The following GIMAP8 variants were observed in gnomAD, a reference collection of about 807,000 sequenced individuals.
GIMAP8 encodes the protein GTPase IMAP family member 8.
In GIMAP8, 29 loss-of-function variants were observed where a neutral mutation model predicts 35.6. That is an observed-to-expected ratio of 0.81 (90% CI 0.61 to 1.11). The LOEUF (loss-of-function observed/expected upper bound fraction) is 1.11, where lower values mean the gene tolerates loss of function less well. Ranked by LOEUF, GIMAP8 falls within the 50% of genes most tolerant of loss-of-function variation. The pLI is 0.00. For synonymous variants in GIMAP8, 335 were observed against 308.7 expected (o/e 1.09, Z -0.89); for missense variants, 811 against 805.0 (o/e 1.01, Z -0.09).
rs189058513 is a variant in GIMAP8, at chr7:150,476,449, A to C, written c.1310-643A>C. Among the ~76,000 whole-genome samples the C allele has an allele frequency of 9.9e-4, 151 of 152,348 alleles. 1 individual carries two copies. Among genetic ancestry groups the C allele is most frequent in the Non-Finnish European group, 5.0e-4 (34 of 68,024 alleles). On this transcript the variant is annotated intron_variant, in intron 4 of 4. Coordinates refer to ENST00000307271, the MANE Select transcript of GIMAP8 (RefSeq NM_175571.4). ...ACCACACACCCAACAGTGTTAGTGG[A>C]TATTCATTATTATAACCATGCGGTT...
At position 150,474,222 on chromosome 7, in the gene GIMAP8, T is replaced by G; in HGVS notation, c.893T>G (p.Val298Gly). 6.2e-7 allele frequency: 1 copy of G among 1,614,124 alleles called. No individual in the cohort carries two copies. The highest frequency in any genetic ancestry group is 8.5e-7 in the Non-Finnish European group (1 of 1,180,020). ...SESRSWRKKK[V>G]SIIDAPDISS... is the part of the protein sequence containing the mutation. ...AGCAGAAGCTGGAGAAAAAAGAAAG[T>G]TTCGATCATTGATGCTCCGGACATC... The change falls in exon 4 of 5, where the codon GTT (valine) becomes GGT (glycine). Residue 298 changes from valine (V) to glycine (G), a missense_variant. Val to Gly is a moderately radical substitution (Grantham distance 109, BLOSUM62 -3). Coordinates refer to ENST00000307271, the MANE Select transcript of GIMAP8 (RefSeq NM_175571.4).
intron 1 of GIMAP8, among the ~76,000 whole-genome samples, chr7:150,459,650 A>G (rs982061923): frequency 2.0e-5 from 3 of 152,150 alleles, no homozygotes; most frequent in African/African-American, 7.2e-5. Flanking sequence ...CTATAACTGA[A>G]TCTTCAGAAG....
intron 2 of GIMAP8, among the ~76,000 whole-genome samples, chr7:150,469,044 T>C (rs1433451139): frequency 6.6e-6 from 1 of 152,130 alleles, no homozygotes; most frequent in Non-Finnish European, 1.5e-5. Context: ...AACCCTCTGG[T>C]TTTACATGCT....
chr7:150,469,036 C>A (rs1003039871), intron 2 of GIMAP8, among the ~76,000 whole-genome samples: 1 of 152,146 alleles, frequency 6.6e-6, no homozygotes, highest in Admixed American at 6.5e-5. Context: ...TACAATGAAA[C>A]CCTCTGGTTT....
At chr7:150,467,380 TAGTGGGATGAA>T (rs1563284685) in intron 2 of GIMAP8, 46 bp downstream of exon 2, 1 of 1,495,584 alleles carries the variant, frequency 6.7e-7, no homozygotes, top group Non-Finnish European at 9.2e-7. Flanking sequence ...GTTGCTGAAC[TAGTGGGATGAA>T]AGTGGGTATA....
At chr7:150,474,881 C>G (rs190469485) in intron 4 of GIMAP8, among the ~76,000 whole-genome samples, 5 of 151,822 alleles carry the variant, frequency 3.3e-5, no homozygotes, top group East Asian at 1.9e-4. Context: ...CCACTCCCCC[C>G]ACCCCACAAC....
rs370655027 is a variant in GIMAP8, at chr7:150,466,897, C to A, written c.199C>A (p.Pro67Thr). Residue 67 changes from proline to threonine, a missense_variant, in exon 2 of 5, where the codon CCT (proline) becomes ACT (threonine). Pro to Thr is a conservative substitution (Grantham distance 38, BLOSUM62 -1). Transcript: ENST00000307271. ...RERKVVVIDT[P>T]DLFSSIACAE... ...AAGGAAGGTTGTGGTAATTGACACC[C>A]CTGACCTTTTCTCCTCAATAGCTTG... The A allele has an allele frequency of 5.0e-6, 8 of 1,614,072 alleles. No homozygotes were observed. The highest frequency in any genetic ancestry group is 6.8e-6 in the Non-Finnish European group (8 of 1,180,022).
At chr7:150,453,425 C>T (rs1801662691) in intron 1 of GIMAP8, among the ~76,000 whole-genome samples, 1 of 152,242 alleles carries the variant, frequency 6.6e-6, no homozygotes, top group Admixed American at 6.5e-5. Flanking sequence ...CTTTGCCTCG[C>T]CCTTTTCGAA....
chr7:150,471,985 G>T (rs1380544941), intron 3 of GIMAP8, among the ~76,000 whole-genome samples: 1 of 152,178 alleles, frequency 6.6e-6, no homozygotes, highest in Non-Finnish European at 1.5e-5. Flanking sequence ...GATGTTGTGA[G>T]CCTCATCCTC....
intron 2 of GIMAP8, 82 bp from the exon 3 acceptor site, chr7:150,470,746 CT>C (rs765100972): frequency 0.047 from 22,027 of 467,058 alleles, 365 homozygotes; most frequent in African/African-American, 0.11. Context: ...CTTCAATTTC[CT>C]TTTTTTTTTT....
At chr7:150,470,085 C>T (rs980363620) in intron 2 of GIMAP8, among the ~76,000 whole-genome samples, 2 of 152,188 alleles carry the variant, frequency 1.3e-5, no homozygotes, top group Non-Finnish European at 2.9e-5. Context: ...ATATTATGGA[C>T]ATTTACCTCA....
At chr7:150,467,683 G>T (rs977634619) in intron 2 of GIMAP8, among the ~76,000 whole-genome samples, 3 of 151,866 alleles carry the variant, frequency 2.0e-5, no homozygotes, top group African/African-American at 7.3e-5. Context: ...CTCTTTTTCT[G>T]GCTATTCCAA....
rs1004584502 is a variant in GIMAP8, at chr7:150,451,516, A to G, written c.-29+341A>G. Among the ~76,000 whole-genome samples the G allele has an allele frequency of 1.3e-5, 2 of 152,122 alleles. No homozygotes were observed. The highest frequency in any genetic ancestry group is 2.9e-5 in the Non-Finnish European group (2 of 68,016). On this transcript the variant is annotated intron_variant, in intron 1 of 4. Transcript: ENST00000307271. This position sits in a 1 kb window ranked among gnomAD's most constrained non-coding sequence, Gnocchi z 4.1. ...GACAGAGGCATATTCCCAGACATCTATGAGAGTGGCTGTCCTAAAAGAAGG... is the reference window on the plus strand; with the variant it reads ...GACAGAGGCATATTCCCAGACATCTGTGAGAGTGGCTGTCCTAAAAGAAGG...
Position 150,478,331 on chromosome 7 carries a change from C to A in GIMAP8, c.*551C>A, listed in dbSNP as rs1233269174. ...TAGGGCTAGAGTGTTCTTTTCTTCA[C>A]ACGTTAGCCATTCCTTACGGCTCTT... On this transcript the variant is annotated 3_prime_UTR_variant, in exon 5 of 5. Transcript: ENST00000307271. 6.5e-6 allele frequency: 1 copy of A among 154,498 alleles called. No homozygotes were observed. 9.6% of individuals were successfully genotyped at this position (154,498 alleles called of 1,614,324 possible). A position where few individuals can be genotyped will look rare whatever the true frequency, so the allele number is the denominator to read the frequency against.
chr7:150,461,600 T>A (rs1272118724), intron 1 of GIMAP8, among the ~76,000 whole-genome samples: 1 of 152,258 alleles, frequency 6.6e-6, no homozygotes, highest in Non-Finnish European at 1.5e-5. Context: ...TCATTCTATG[T>A]GCTTTACAGA....
rs555182815 is a variant in GIMAP8 at position 150,474,085 on chromosome 7, T to C, written c.756T>C (p.Leu252=). Residue 252 remains leucine, a synonymous_variant, in exon 4 of 5, where the codon CTT becomes CTC. Transcript: ENST00000307271. ...NPGTSELTVL[L]VGKRGAGKSA... ...GGACATCAGAACTGACAGTCCTCCT[T>C]GTGGGGAAACGCGGTGCTGGAAAAA... The C allele has an allele frequency of 1.7e-5, 28 of 1,613,970 alleles. No homozygotes were observed. The South Asian group carries it at 2.6e-4, about 15-fold the overall frequency.
intron 1 of GIMAP8, among the ~76,000 whole-genome samples, chr7:150,463,870 A>G (rs960223875): frequency 2.0e-5 from 3 of 152,196 alleles, no homozygotes; most frequent in African/African-American, 7.2e-5. Context: ...TGTTGGCCAC[A>G]GCAACAGGTT....
chr7:150,461,025 G>A (rs1170810863), intron 1 of GIMAP8, among the ~76,000 whole-genome samples: 1 of 152,216 alleles, frequency 6.6e-6, no homozygotes, highest in Non-Finnish European at 1.5e-5. Flanking sequence ...TTTGTACTGT[G>A]AGTTATCTAT....
intron 4 of GIMAP8, among the ~76,000 whole-genome samples, chr7:150,476,363 G>T (rs1802229049): frequency 6.6e-6 from 1 of 152,200 alleles, no homozygotes; most frequent in Admixed American, 6.5e-5. Context: ...ATATTGTAAG[G>T]TCTCTATGTG....
Sources: allele counts gnomAD v4.1 joint callset (sites outside exome capture counted in the v4.1 genomes callset), GRCh38; gene constraint gnomAD v4.1.1; non-coding constraint Gnocchi (gnomAD v3.1); transcripts MANE v1.5; gene names NCBI Gene and HGNC (gene_info 2026-07-23, HGNC 2026-07-21).